The following FRMPD4 variants were observed in gnomAD, a reference collection of about 807,000 sequenced individuals.
FRMPD4 encodes the protein FERM and PDZ domain containing 4.
Under a neutral mutation model 94.1 loss-of-function variants are expected in FRMPD4, and 22 were observed. That is an observed-to-expected ratio of 0.23 (90% confidence interval 0.17 to 0.33). FRMPD4 has a LOEUF of 0.33. FRMPD4 is among the 10% of genes least tolerant of loss of function. FRMPD4 has a pLI of 1.00. For synonymous variants in FRMPD4, 631 were observed against 548.6 expected (o/e 1.15, Z -2.10); for missense variants, 1,111 against 1,339.9 (o/e 0.83, Z 2.67).
rs2042097483 is a variant in FRMPD4, at chrX:12,716,874, G to C, written c.2415G>C (p.Met805Ile). Residue 805 changes from methionine to isoleucine, a missense_variant, in exon 15 of 17, where the codon ATG becomes ATC. Coordinates refer to ENST00000675598, the MANE Select transcript of FRMPD4 (RefSeq NM_001368397.1). ...EDDFLLRSLN[M>I]AIAAPPPGFR... Reference sequence around the variant, plus strand: ...ACTTCCTGTTGCGTTCCTTGAACATGGCCATTGCCGCACCCCCACCTGGCT... The same window carrying C: ...ACTTCCTGTTGCGTTCCTTGAACATCGCCATTGCCGCACCCCCACCTGGCT... 19 of 1,211,360 alleles carry C rather than the reference G, an allele frequency of 1.6e-5. No individual in the cohort carries two copies. The highest frequency in any genetic ancestry group is 1.9e-5 in the Non-Finnish European group (17 of 895,075).
rs764378499 is a variant in FRMPD4, at chrX:12,717,944, C to G, written c.3118C>G (p.Pro1040Ala). ...KLADGEGKAP[P>A]NGNTTGKKQQ... ...GGCCGATGGTGAGGGGAAGGCACCC[C>G]CTAATGGGAACACAACAGGAAAAAA... The change falls in exon 16 of 17, where the codon CCT becomes GCT. Residue 1040 changes from proline (P) to alanine (A), a missense_variant. This residue lies in a region of FRMPD4 where 551 missense variants were observed against 591.6 expected (regional missense o/e 0.93). Coordinates refer to ENST00000675598, the MANE Select transcript of FRMPD4 (RefSeq NM_001368397.1). The G allele has an allele frequency of 4.1e-6, 5 of 1,211,186 alleles. No individual in the cohort carries two copies. Among genetic ancestry groups the G allele is most frequent in the Non-Finnish European group, 5.6e-6 (5 of 894,927 alleles).
Position 12,040,757 on chromosome X carries a change from C to T in FRMPD4, c.95+162739C>T, listed in dbSNP as rs775706953. Among the ~76,000 whole-genome samples, 99 of 108,061 alleles carry T rather than the reference C, an allele frequency of 9.2e-4. 1 individual carries two copies. Among genetic ancestry groups the T allele is most frequent in the African/African-American group, 3.1e-3 (92 of 29,613 alleles). The allele number at this position is 108,061 out of a possible 115,157, so 93.8% of individuals were successfully genotyped here. A position where few individuals can be genotyped will look rare whatever the true frequency, so the allele number is the denominator to read the frequency against. ...TGTTCGCCAGGATGGTCTCAATCTG[C>T]TGATCTCGTGATCCGCCCACCTCGG... is the stretch of plus-strand genomic sequence containing the variant. On this transcript the variant is annotated intron_variant, in intron 3 of 18. Coordinates refer to the FRMPD4 transcript ENST00000640291.
chrX:12,266,132 CAAAAAAAAAAA>C lies in FRMPD4; in HGVS notation c.41+127139_41+127149del, dbSNP rs3990340. The stretch of plus-strand genomic sequence containing the variant: ...TGGGCGACACAGCGAGACTCCGTCT[CAAAAAAAAAAA>C]AAAAAAAAAAAAAAAAAAGAGAAAA... On this transcript the variant is annotated intron_variant, in intron 1 of 16. Transcript: ENST00000675598. 4.2e-3 allele frequency among the ~76,000 whole-genome samples: 107 copies of C among 25,751 alleles called. 1 individual carries two copies. The highest frequency in any genetic ancestry group is 5.6e-3 in the Non-Finnish European group (75 of 13,499). 22.4% of individuals were successfully genotyped at this position (25,751 alleles called of 115,157 possible).
At chrX:11,875,177 A>G (rs1013832001) in intron 2 of FRMPD4, among the ~76,000 whole-genome samples, 1 of 112,903 alleles carries the variant, frequency 8.9e-6, no homozygotes, top group African/African-American at 3.2e-5. Context: ...TTTTAAAACT[A>G]GGAAGAATAA....
At chrX:12,159,828 C>T (rs760450874) in intron 1 of FRMPD4, among the ~76,000 whole-genome samples, 1 of 112,056 alleles carries the variant, frequency 8.9e-6, no homozygotes, top group Non-Finnish European at 1.9e-5. Context: ...AATGAGAGCA[C>T]ACTTCTTCAC....
Position 12,098,853 on chromosome X carries a change from C to T in FRMPD4, c.95+220835C>T, listed in dbSNP as rs368584804. On this transcript the variant is annotated intron_variant, in intron 3 of 18. Transcript: ENST00000640291. ...CATCTGAAGGTGGAATAATTAGAAT[C>T]ACTTGAAATGTTTGTTTCCCCTTAT... Among the ~76,000 whole-genome samples, 5 of 110,193 alleles carry T rather than the reference C, an allele frequency of 4.5e-5. No homozygotes were observed. In the East Asian group the frequency reaches 1.2e-3, roughly 25 times the overall value.
intron 14 of FRMPD4, among the ~76,000 whole-genome samples, chrX:12,712,219 A>AG (rs2041999585): frequency 2.4e-5 from 1 of 40,889 alleles, no homozygotes. Context: ...ATTAGCAGTG[A>AG]AAAAAAAAAA....
chrX:12,150,823 C>A (rs1055566317), intron 1 of FRMPD4, among the ~76,000 whole-genome samples: 2 of 111,085 alleles, frequency 1.8e-5, no homozygotes, highest in Non-Finnish European at 3.8e-5. Flanking sequence ...TGTTTTCATG[C>A]CAGTTAAGTA....
intron 7 of FRMPD4, among the ~76,000 whole-genome samples, chrX:12,688,166 C>T (rs930852900): frequency 8.9e-6 from 1 of 111,875 alleles, no homozygotes; most frequent in Non-Finnish European, 1.9e-5. Flanking sequence ...GTTGGCAGAC[C>T]TCTGAAATAA....
In FRMPD4 at chrX:12,066,024, T is replaced by G. The variant is rs2054917928; in HGVS notation, c.95+188006T>G. ...GCTATTGGGTTAAATATGAGAAATT[T>G]CATGTGTTTCAGAAAATGAAATCAT... On this transcript the variant is annotated intron_variant, in intron 3 of 18. Transcript: ENST00000640291. Among the ~76,000 whole-genome samples, 4 of 112,182 alleles carry G rather than the reference T, an allele frequency of 3.6e-5. No individual in the cohort carries two copies. The Admixed American group carries it at 3.8e-4, about 11-fold the overall frequency.
At chrX:12,453,049 T>A (rs988673773) in intron 1 of FRMPD4, among the ~76,000 whole-genome samples, 2 of 112,182 alleles carry the variant, frequency 1.8e-5, no homozygotes, top group Non-Finnish European at 3.8e-5. Context: ...AAAAATAAAA[T>A]AAAAAACCAC....
intron 4 of FRMPD4, among the ~76,000 whole-genome samples, chrX:12,641,836 G>A (rs2059502434): frequency 8.9e-6 from 1 of 112,238 alleles, no homozygotes; most frequent in African/African-American, 3.2e-5. Flanking sequence ...TTCTGACTAG[G>A]GTGATGGATC....
chrX:12,075,332 G>T (rs1035830027), intron 3 of FRMPD4, among the ~76,000 whole-genome samples: 1 of 108,729 alleles, frequency 9.2e-6, no homozygotes, highest in East Asian at 2.9e-4. Flanking sequence ...TGTTAGTAGT[G>T]GGGGAGGTTA....
intron 3 of FRMPD4, among the ~76,000 whole-genome samples, chrX:11,903,746 T>G (rs2053951551): frequency 8.9e-6 from 1 of 112,100 alleles, no homozygotes; most frequent in Non-Finnish European, 1.9e-5. Context: ...TTTTAAATCC[T>G]CTATTGTTTG....
At chrX:12,426,293 G>A (rs1414767193) in intron 1 of FRMPD4, among the ~76,000 whole-genome samples, 2 of 111,019 alleles carry the variant, frequency 1.8e-5, no homozygotes, top group Non-Finnish European at 3.8e-5. Context: ...TGCCTGTGAA[G>A]AAGATGGTTG....
At chrX:12,387,207 C>G (rs1010474106) in intron 1 of FRMPD4, among the ~76,000 whole-genome samples, 4 of 112,065 alleles carry the variant, frequency 3.6e-5, no homozygotes, top group Non-Finnish European at 5.6e-5. Flanking sequence ...TTTTTAGTAA[C>G]AAAATTTGCA....
intron 2 of FRMPD4, among the ~76,000 whole-genome samples, chrX:12,521,345 A>C (rs1047952288): frequency 1.8e-5 from 2 of 112,008 alleles, no homozygotes; most frequent in Admixed American, 9.5e-5. Context: ...GTATTTGCTC[A>C]GAATCCTCAA....
intron 1 of FRMPD4, among the ~76,000 whole-genome samples, chrX:12,172,175 G>A (rs2078457325): frequency 9.2e-6 from 1 of 108,913 alleles, no homozygotes; most frequent in South Asian, 4.0e-4. Flanking sequence ...TTATTTTGCT[G>A]TTGTTGTTGT....
At chrX:12,211,001 T>C (rs1337475759) in intron 1 of FRMPD4, among the ~76,000 whole-genome samples, 1 of 112,621 alleles carries the variant, frequency 8.9e-6, no homozygotes, top group African/African-American at 3.2e-5. Context: ...AAGGTACTTT[T>C]GTTAAAATGA....
Sources: gnomAD v4.1 joint callset for allele counts (sites outside exome capture counted in the v4.1 genomes callset) on GRCh38, gnomAD v4.1.1 for gene constraint, gnomAD v4.1.1 regional missense constraint, MANE v1.5 for transcripts, NCBI Gene and HGNC (gene_info 2026-07-23, HGNC 2026-07-21) for gene names.